MFSD11: variants seen among roughly 807,000 people sequenced by gnomAD.
MFSD11 encodes major facilitator superfamily domain containing 11.
Under a neutral mutation model 53.5 loss-of-function variants are expected in MFSD11, and 36 were observed. The ratio of observed to expected loss-of-function variants is 0.67; its 90% CI spans 0.52 to 0.89. MFSD11 has a LOEUF of 0.89. MFSD11 is among the 40% of genes least tolerant of loss of function. The probability of loss-of-function intolerance (pLI) is 0.00; values close to 1 mark genes in which losing one functional copy is unlikely to be tolerated. For missense variants in MFSD11, 530 were observed against 543.9 expected, an observed-to-expected ratio of 0.97 and a Z score of 0.25; for synonymous variants, 186 against 184.9, an observed-to-expected ratio of 1.01 and a Z score of -0.05.
the MFSD11 span, among the ~76,000 whole-genome samples, chr17:76,796,577 G>GGT: frequency 6.6e-6 from 1 of 152,026 alleles, no homozygotes; most frequent in Non-Finnish European, 1.5e-5. Flanking sequence ...AGTTAGCACC[G>GGT]ACCCTCACAG....
downstream of MFSD11, among the ~76,000 whole-genome samples, chr17:76,783,291 T>G (rs1443326361): frequency 2.0e-5 from 3 of 152,120 alleles, no homozygotes; most frequent in African/African-American, 7.2e-5. Flanking sequence ...GGGTGTTTGT[T>G]TGTGTGTGTG....
At chr17:76,787,813 A>G in the MFSD11 span, among the ~76,000 whole-genome samples, 2 of 149,580 alleles carry the variant, frequency 1.3e-5, no homozygotes, top group Non-Finnish European at 3.0e-5. Context: ...TATTATACCC[A>G]CCTTTTTCGG....
downstream of MFSD11, among the ~76,000 whole-genome samples, chr17:76,782,242 C>T (rs1598816800): frequency 6.6e-6 from 1 of 151,804 alleles, no homozygotes; most frequent in East Asian, 1.9e-4. Context: ...ATGGCGCGAT[C>T]TCGGCTCACT....
chr17:76,772,158 C>G (rs78556657), intron 10 of MFSD11, among the ~76,000 whole-genome samples: 3,940 of 152,162 alleles, frequency 0.026, 172 homozygotes, highest in African/African-American at 0.089. Flanking sequence ...ACAGTGCTCA[C>G]GCCTATAATT....
intron 3 of MFSD11, 101 bp from the exon 4 acceptor site, chr17:76,741,867 GT>G: frequency 6.4e-7 from 1 of 1,569,374 alleles, no homozygotes; most frequent in South Asian, 1.2e-5. Flanking sequence ...TACAGGTTGA[GT>G]TTTAAAAGAA....
At chr17:76,774,171 C>A (rs759984281) in intron 10 of MFSD11, among the ~76,000 whole-genome samples, 2 of 152,182 alleles carry the variant, frequency 1.3e-5, no homozygotes, top group Non-Finnish European at 2.9e-5. Context: ...GGTGATCTGC[C>A]CGCCTTGGCC....
At chr17:76,785,462 G>A (rs1443168561), downstream of MFSD11, among the ~76,000 whole-genome samples, 2 of 151,488 alleles carry the variant, frequency 1.3e-5, no homozygotes, top group African/African-American at 4.9e-5. Context: ...TCAGCCTTCC[G>A]AGTAGCTTGG....
chr17:76,774,900 T>G, intron 10 of MFSD11, 97 bp from the exon 11 acceptor site: 15 of 1,243,486 alleles, frequency 1.2e-5, no homozygotes, highest in Non-Finnish European at 1.7e-5. Context: ...ATTTAACAAG[T>G]GAGAATGTTT....
At chr17:76,785,565 C>G (rs562563765), downstream of MFSD11, among the ~76,000 whole-genome samples, 1 of 152,174 alleles carries the variant, frequency 6.6e-6, no homozygotes, top group Admixed American at 6.6e-5. Flanking sequence ...TCCTGAACAC[C>G]TAGACTCAAG....
the MFSD11 span, among the ~76,000 whole-genome samples, chr17:76,801,920 T>G: frequency 6.6e-6 from 1 of 152,052 alleles, no homozygotes; most frequent in Non-Finnish European, 1.5e-5. Context: ...GCCCATTAGG[T>G]CTTGGCCTCA....
Position 76,776,605 on chromosome 17 carries a change from T to G in MFSD11, c.1185+64T>G. 1 of 1,460,904 alleles carries G rather than the reference T, an allele frequency of 6.8e-7. No individual in the cohort carries two copies. Among genetic ancestry groups the G allele is most frequent in the Non-Finnish European group, 9.2e-7 (1 of 1,087,248 alleles). The allele number at this position is 1,460,904 out of a possible 1,614,324, so 90.5% of individuals were successfully genotyped here. ...TCTTCCCTTTGTGTATTGCCTTGTT[T>G]TCCTTGGTTACTTGTATTGTGGTTT... On this transcript the variant is annotated intron_variant, in intron 12 of 12. Coordinates refer to ENST00000685175, the MANE Select transcript of MFSD11 (RefSeq NM_001242532.5). The surrounding 1 kb of genome is among the most constrained non-coding windows in gnomAD (Gnocchi z 4.2).
At chr17:76,737,439 A>G, upstream of MFSD11, 2 of 361,600 alleles carry the variant, frequency 5.5e-6, no homozygotes, top group Non-Finnish European at 1.0e-5. Flanking sequence ...CCGCTTCGTA[A>G]CGACCCTGCC....
At chr17:76,753,542 A>T in intron 7 of MFSD11, among the ~76,000 whole-genome samples, 1 of 151,788 alleles carries the variant, frequency 6.6e-6, no homozygotes, top group Non-Finnish European at 1.5e-5. Context: ...GTGTGGTGGG[A>T]CCCACCTGTA....
the MFSD11 span, among the ~76,000 whole-genome samples, chr17:76,790,198 C>T: frequency 1.4e-5 from 2 of 147,004 alleles, no homozygotes; most frequent in East Asian, 3.9e-4. Context: ...CCTCCTGGCT[C>T]AGCCTCTTGA....
the MFSD11 span, among the ~76,000 whole-genome samples, chr17:76,787,278 GGC>G: frequency 3.4e-5 from 5 of 147,384 alleles, no homozygotes; most frequent in Admixed American, 6.8e-5. Context: ...TGGGATTACA[GGC>G]GCCCGCCACC....
the MFSD11 span, among the ~76,000 whole-genome samples, chr17:76,802,908 C>T: frequency 6.6e-6 from 1 of 152,262 alleles, no homozygotes; most frequent in East Asian, 1.9e-4. Context: ...TTAGCCAACA[C>T]CTTAAGATTA....
At chr17:76,737,192 C>T (rs765918406), upstream of MFSD11, 2 of 1,512,344 alleles carry the variant, frequency 1.3e-6, no homozygotes, top group Non-Finnish European at 1.8e-6. Flanking sequence ...GCCCCGCGAA[C>T]TGGCGCCGGC....
At chr17:76,763,600 T>C (rs1598683626) in intron 8 of MFSD11, among the ~76,000 whole-genome samples, 2 of 152,238 alleles carry the variant, frequency 1.3e-5, no homozygotes, top group South Asian at 4.1e-4. Context: ...AATTGGATTC[T>C]GTTTTTATTA....
At chr17:76,801,837 A>G in the MFSD11 span, among the ~76,000 whole-genome samples, 1 of 152,034 alleles carries the variant, frequency 6.6e-6, no homozygotes, top group South Asian at 2.1e-4. Context: ...TAAGACTTGT[A>G]TCTTGTGATA....
Sources: gnomAD v4.1 joint callset for allele counts (sites outside exome capture counted in the v4.1 genomes callset) on GRCh38, gnomAD v4.1.1 for gene constraint, Gnocchi (gnomAD v3.1) non-coding constraint, MANE v1.5 for transcripts, NCBI Gene and HGNC (gene_info 2026-07-23, HGNC 2026-07-21) for gene names.